ATL3: variants seen among roughly 807,000 people sequenced by gnomAD.
ATL3 encodes atlastin GTPase 3.
In ATL3, 49 loss-of-function variants were observed where a neutral mutation model predicts 69.5. The ratio of observed to expected loss-of-function variants is 0.71; its 90% CI spans 0.56 to 0.89. The LOEUF (loss-of-function observed/expected upper bound fraction) is 0.89, where lower values mean the gene tolerates loss of function less well. ATL3 is among the 40% of genes least tolerant of loss of function. The pLI is 0.00. For synonymous variants in ATL3, 214 were observed against 224.1 expected, an observed-to-expected ratio of 0.95 and a Z score of 0.40; for missense variants, 606 against 645.7, an observed-to-expected ratio of 0.94 and a Z score of 0.67.
chr11:63,635,891 C>G (rs528921459), intron 9 of ATL3, among the ~76,000 whole-genome samples: 18 of 147,506 alleles, frequency 1.2e-4, no homozygotes, highest in Non-Finnish European at 2.2e-4. Flanking sequence ...CGTGTCACAT[C>G]TAGGTGCCGT....
At chr11:63,671,472 C>A, upstream of ATL3, 2 of 1,469,640 alleles carry the variant, frequency 1.4e-6, no homozygotes, top group South Asian at 2.7e-5. Flanking sequence ...AGGTGGGGCA[C>A]GCGGAGCCGC....
At chr11:63,665,079 G>A (rs1421163107) in intron 1 of ATL3, among the ~76,000 whole-genome samples, 1 of 152,176 alleles carries the variant, frequency 6.6e-6, no homozygotes, top group Non-Finnish European at 1.5e-5. Flanking sequence ...GGGCATGGGG[G>A]CTCATGCCTG....
Position 63,629,309 on chromosome 11 carries a change from C to T in ATL3, c.*10G>A, listed in dbSNP as rs373299005. On this transcript the variant is annotated 3_prime_UTR_variant, in exon 13 of 13. Coordinates refer to ENST00000398868, the MANE Select transcript of ATL3 (RefSeq NM_015459.5). ...TTGTTGTGTTCTTGTTTGATCTTCA[C>T]GTTAAGATGCTATTGAGCTTTTTTA... The T allele has an allele frequency of 3.7e-6, 6 of 1,610,788 alleles. No individual in the cohort carries two copies. Among genetic ancestry groups the T allele is most frequent in the African/African-American group, 2.7e-5 (2 of 74,970 alleles).
At chr11:63,665,837 A>C (rs1258229769) in intron 1 of ATL3, among the ~76,000 whole-genome samples, 1 of 152,156 alleles carries the variant, frequency 6.6e-6, no homozygotes, top group Admixed American at 6.5e-5. Flanking sequence ...ACTGCACTAC[A>C]ATCAGGACAA....
intron 1 of ATL3, among the ~76,000 whole-genome samples, chr11:63,668,532 C>T (rs1940654332): frequency 6.6e-6 from 1 of 152,124 alleles, no homozygotes; most frequent in Admixed American, 6.5e-5. Context: ...TTCGCCATAG[C>T]ACAGAAGGCT....
intron 1 of ATL3, among the ~76,000 whole-genome samples, chr11:63,664,358 G>A (rs1452862571): frequency 6.6e-6 from 1 of 151,978 alleles, no homozygotes; most frequent in South Asian, 2.1e-4. Context: ...GGCCAACATG[G>A]TGAAACCCCA....
At chr11:63,668,463 T>C (rs140361569) in intron 1 of ATL3, among the ~76,000 whole-genome samples, 42 of 152,354 alleles carry the variant, frequency 2.8e-4, no homozygotes, top group African/African-American at 9.6e-4. Context: ...AAATACTATT[T>C]AAATCTAATT....
intron 1 of ATL3, among the ~76,000 whole-genome samples, chr11:63,668,726 T>C (rs146085884): frequency 1.3e-5 from 2 of 150,924 alleles, no homozygotes; most frequent in East Asian, 3.9e-4. Context: ...ATGAGCTCAG[T>C]AACACTTTTG....
chr11:63,635,886 C>A (rs970321937), intron 9 of ATL3, among the ~76,000 whole-genome samples: 2 of 147,782 alleles, frequency 1.4e-5, no homozygotes, highest in Admixed American at 6.9e-5. Context: ...GTAGTCGTGT[C>A]ACATCTAGGT....
chr11:63,646,434 T>C, intron 6 of ATL3, 73 bp downstream of exon 6: 1 of 896,532 alleles, frequency 1.1e-6, no homozygotes, highest in Non-Finnish European at 1.8e-6. Flanking sequence ...AGATTTGGCC[T>C]ATGAGCTGTA....
intron 1 of ATL3, among the ~76,000 whole-genome samples, chr11:63,665,428 A>C (rs756710330): frequency 3.9e-4 from 59 of 151,998 alleles, no homozygotes; most frequent in Non-Finnish European, 7.1e-4. Flanking sequence ...TACTGAGGAC[A>C]GCTATGGGGG....
At chr11:63,630,491 T>C (rs1433735331) in intron 12 of ATL3, among the ~76,000 whole-genome samples, 1 of 148,684 alleles carries the variant, frequency 6.7e-6, no homozygotes, top group Non-Finnish European at 1.5e-5. Flanking sequence ...AGTTGGAATG[T>C]TTTTGCATTA....
chr11:63,648,011 C>CTG (rs1939941414), intron 5 of ATL3, among the ~76,000 whole-genome samples: 2 of 152,146 alleles, frequency 1.3e-5, no homozygotes, highest in Non-Finnish European at 2.9e-5. Context: ...CAGCTGACAA[C>CTG]TAGGAAATAT....
At position 63,644,277 on chromosome 11, in the gene ATL3, G is replaced by T; in HGVS notation, c.619-16C>A. 1 of 1,512,310 alleles carries T rather than the reference G, an allele frequency of 6.6e-7. No homozygotes were observed. 93.7% of individuals were successfully genotyped at this position (1,512,310 alleles called of 1,614,324 possible). A position where few individuals can be genotyped will look rare whatever the true frequency, so the allele number is the denominator to read the frequency against. On this transcript the variant is annotated splice_polypyrimidine_tract_variant and intron_variant, in intron 6 of 12. Coordinates refer to ENST00000398868, the MANE Select transcript of ATL3 (RefSeq NM_015459.5). ...ACATCAGTGTCTATTTAAGAAAAGA[G>T]CGGAACATATTTTAACATGCATAAA...
chr11:63,632,119 C>T, intron 11 of ATL3: 1 of 356,000 alleles, frequency 2.8e-6, no homozygotes, highest in Non-Finnish European at 5.5e-6. Flanking sequence ...CGCTTTGAGA[C>T]ATGCTTTAAT....
intron 7 of ATL3, 42 bp downstream of exon 7, chr11:63,644,127 C>G: frequency 7.5e-7 from 1 of 1,329,176 alleles, no homozygotes; most frequent in Non-Finnish European, 1.1e-6. Context: ...AAAGCTATCA[C>G]TACTTTGAGA....
rs1408606960 is a variant in ATL3, at chr11:63,635,729, A to G, written c.979-139T>C. 1.4e-5 allele frequency: 9 copies of G among 652,346 alleles called. No individual in the cohort carries two copies. The East Asian group carries it at 2.5e-4, about 18-fold the overall frequency. The allele number at this position is 652,346 out of a possible 1,614,324, so 40.4% of individuals were successfully genotyped here. ...AACCAGGAATTAGCAAAAACACACCACACACCTTTGAGTGCATGTTAGCAT... is the reference window on the plus strand; with the variant it reads ...AACCAGGAATTAGCAAAAACACACCGCACACCTTTGAGTGCATGTTAGCAT... On this transcript the variant is annotated intron_variant, in intron 9 of 12. Coordinates refer to ENST00000398868, the MANE Select transcript of ATL3 (RefSeq NM_015459.5).
intron 1 of ATL3, among the ~76,000 whole-genome samples, chr11:63,667,541 C>A (rs369404123): frequency 1.3e-5 from 2 of 152,198 alleles, no homozygotes; most frequent in East Asian, 3.9e-4. Context: ...GCGGATGGAT[C>A]ATTTGCAGCC....
At chr11:63,640,106 T>C (rs1326072909) in intron 8 of ATL3, among the ~76,000 whole-genome samples, 1 of 152,098 alleles carries the variant, frequency 6.6e-6, no homozygotes, top group Non-Finnish European at 1.5e-5. Flanking sequence ...TTTTGTATTT[T>C]TAGTAGCGAT....
Sources: allele counts gnomAD v4.1 joint callset (sites outside exome capture counted in the v4.1 genomes callset), GRCh38; gene constraint gnomAD v4.1.1; transcripts MANE v1.5; gene names NCBI Gene and HGNC (gene_info 2026-07-23, HGNC 2026-07-21).